SPG11: variants seen among roughly 807,000 people sequenced by gnomAD.
SPG11 encodes spatacsin.
Under a neutral mutation model 274.0 loss-of-function variants are expected in SPG11, and 222 were observed. The observed-to-expected ratio is 0.81, with a 90% CI of 0.73 to 0.91. SPG11 has a LOEUF of 0.91. Ranked by LOEUF, SPG11 falls within the 40% of genes least tolerant of loss-of-function variation. SPG11 has a pLI of 0.00. For missense variants in SPG11, 3,114 were observed against 2,872.7 expected (o/e 1.08, Z -1.92); for synonymous variants, 1,144 against 1,039.7 (o/e 1.10, Z -1.93).
chr15:44,597,848 AAAGT>A (rs1324274976), intron 23 of SPG11, among the ~76,000 whole-genome samples: 1 of 152,250 alleles, frequency 6.6e-6, no homozygotes, highest in East Asian at 1.9e-4. Context: ...TAAAATGAAA[AAAGT>A]AAGGACATGA....
chr15:44,581,067 A>T (rs1425316648), intron 30 of SPG11, among the ~76,000 whole-genome samples: 1 of 152,198 alleles, frequency 6.6e-6, no homozygotes, highest in Non-Finnish European at 1.5e-5. Context: ...ACAGAAAAAA[A>T]AACATCGAGA....
chr15:44,575,954 C>A (rs1259397903), intron 30 of SPG11, among the ~76,000 whole-genome samples: 1 of 151,536 alleles, frequency 6.6e-6, no homozygotes, highest in Non-Finnish European at 1.5e-5. Flanking sequence ...ACCAGCCTGA[C>A]CAACATGGAG....
At chr15:44,622,705 T>C (rs761701399) in intron 12 of SPG11, 23 bp downstream of exon 12, 9 of 1,565,024 alleles carry the variant, frequency 5.8e-6, no homozygotes, top group Middle Eastern at 1.7e-4. Context: ...AAATGTATAC[T>C]ATGTAGTCTC....
intron 30 of SPG11, among the ~76,000 whole-genome samples, chr15:44,578,882 G>A (rs963147421): frequency 1.6e-4 from 24 of 152,152 alleles, no homozygotes; most frequent in African/African-American, 5.8e-4. Context: ...GCAGCCAGTT[G>A]TGGCGGCTCA....
chr15:44,634,130 C>T (rs543529940), intron 7 of SPG11, among the ~76,000 whole-genome samples: 3 of 152,196 alleles, frequency 2.0e-5, no homozygotes, highest in East Asian at 1.9e-4. Context: ...CAAGCCACTG[C>T]GCCTGGCCCA....
chr15:44,592,059 G>A (rs898138039), intron 27 of SPG11, among the ~76,000 whole-genome samples: 37 of 150,832 alleles, frequency 2.5e-4, no homozygotes, highest in Admixed American at 1.9e-3. Flanking sequence ...TACAGTGAGC[G>A]GAGATCATGC....
In SPG11 at chr15:44,572,750, G is replaced by A; in HGVS notation, c.6276C>T (p.Asp2092=). The A allele has an allele frequency of 6.2e-7, 1 of 1,614,074 alleles. No individual in the cohort carries two copies. The highest frequency in any genetic ancestry group is 8.5e-7 in the Non-Finnish European group (1 of 1,179,956). The change falls in exon 33 of 40, where the codon GAC becomes GAT. Residue 2092 remains aspartate, a synonymous_variant. Coordinates refer to ENST00000261866, the MANE Select transcript of SPG11 (RefSeq NM_025137.4). ...TFLQLTTLCQ[D]RTLVGMKLLD... ...ACAACTTCATGCCTACCAATGTGCGGTCTTGACACAGAGTGGTCAGCTGAA... is the reference window on the plus strand; with the variant it reads ...ACAACTTCATGCCTACCAATGTGCGATCTTGACACAGAGTGGTCAGCTGAA...
In SPG11 at chr15:44,663,624, C is replaced by T. The variant is rs976109814; in HGVS notation, c.24G>A (p.Ala8=). The change falls in exon 1 of 40, where the codon GCG becomes GCA. Residue 8 remains alanine, a synonymous_variant. Transcript: ENST00000261866. ...AGCTACCGCCGGCGGAAGCAGCACT[C>T]GCGACCCCTTCCTCTGCAGCCATCT... is the stretch of plus-strand genomic sequence containing the variant. The part of the protein sequence containing the change: MAAEEGV[A]SAASAGGSWG... 6.3e-7 allele frequency: 1 copy of T among 1,595,952 alleles called. No homozygotes were observed. The highest frequency in any genetic ancestry group is 8.5e-7 in the Non-Finnish European group (1 of 1,176,238).
At chr15:44,600,315 C>G in intron 21 of SPG11, 152 bp downstream of exon 21, 1 of 764,912 alleles carries the variant, frequency 1.3e-6, no homozygotes, top group South Asian at 1.5e-5. Flanking sequence ...GTGGCAGAGC[C>G]TCACTGTCAC....
intron 26 of SPG11, among the ~76,000 whole-genome samples, chr15:44,592,762 A>G (rs550558930): frequency 7.3e-4 from 111 of 152,164 alleles, no homozygotes; most frequent in African/African-American, 2.6e-3. Flanking sequence ...GGAGGTTGCA[A>G]TGAGCCAAGA....
chr15:44,637,515 T>C (rs1485602219), intron 7 of SPG11, among the ~76,000 whole-genome samples: 2 of 152,124 alleles, frequency 1.3e-5, no homozygotes, highest in African/African-American at 4.8e-5. Context: ...GGGTTTGGCA[T>C]GTTAGCCAGG....
In SPG11 at chr15:44,592,357, G is replaced by T; in HGVS notation, c.4717C>A (p.Leu1573Met). The change falls in exon 27 of 40, where the codon CTG becomes ATG. Residue 1573 changes from leucine (L) to methionine (M), a missense_variant. By Grantham distance (15) the Leu-to-Met change is conservative. Coordinates refer to ENST00000261866, the MANE Select transcript of SPG11 (RefSeq NM_025137.4). Reference protein sequence around the residue: ...RNYKEAEAKLLEFQKSLETLN... With the variant: ...RNYKEAEAKLMEFQKSLETLN... ...GTTTCAAGGCTCTTCTGAAACTCCAGAAGTTTAGCTTCAGCTTCTTTATAA... is the reference window on the plus strand; with the variant it reads ...GTTTCAAGGCTCTTCTGAAACTCCATAAGTTTAGCTTCAGCTTCTTTATAA... 1.2e-6 allele frequency: 2 copies of T among 1,610,106 alleles called. No individual in the cohort carries two copies. Among genetic ancestry groups the T allele is most frequent in the South Asian group, 1.1e-5 (1 of 90,998 alleles).
intron 19 of SPG11, 106 bp from the exon 20 acceptor site, chr15:44,606,197 A>C (rs2083314328): frequency 1.1e-5 from 9 of 837,208 alleles, no homozygotes; most frequent in Non-Finnish European, 1.6e-5. Context: ...CCCTTTTCCA[A>C]GGCAATTTAA....
Position 44,628,664 on chromosome 15 carries a change from C to T in SPG11, c.2067+5G>A, listed in dbSNP as rs2141043201. 6.2e-7 allele frequency: 1 copy of T among 1,612,456 alleles called. No individual in the cohort carries two copies. The highest frequency in any genetic ancestry group is 8.5e-7 in the Non-Finnish European group (1 of 1,179,098). On this transcript the variant is annotated splice_donor_5th_base_variant and intron_variant, in intron 10 of 39. Coordinates refer to ENST00000261866, the MANE Select transcript of SPG11 (RefSeq NM_025137.4). The stretch of plus-strand genomic sequence containing the variant: ...ATAAAAGAAGTGATGATTATTCGTA[C>T]TTACCTCAAAGCTGAGTTTCTTCCA...
rs765477482 is a variant in SPG11, at chr15:44,657,182, G to T, written c.782C>A (p.Ser261Ter). The T allele has an allele frequency of 3.1e-6, 5 of 1,614,078 alleles. No individual in the cohort carries two copies. In the South Asian group the frequency reaches 5.5e-5, roughly 18 times the overall value. Residue 261 changes from serine (S) to a stop codon, truncating the protein, a stop_gained, in exon 4 of 40, where the codon TCA (serine) becomes TAA (stop). Coordinates refer to ENST00000261866, the MANE Select transcript of SPG11 (RefSeq NM_025137.4). LOFTEE classifies it high-confidence loss of function. ...QEPAKISSFT[S>*]LKVSQDLDVA... The stretch of plus-strand genomic sequence containing the variant: ...ATCGAGGTCTTGAGAAACTTTCAGT[G>T]AAGTAAATGAAGAAATCTTGGCTGG...
chr15:44,641,922 G>GAAAAAAAAAAAAAA (rs71111874), intron 7 of SPG11, among the ~76,000 whole-genome samples: 2 of 55,882 alleles, frequency 3.6e-5, no homozygotes, highest in Non-Finnish European at 7.6e-5. Flanking sequence ...CTGCTTAACA[G>GAAAAAAAAAAAAAA]AAAAAAAAAA....
intron 1 of SPG11, among the ~76,000 whole-genome samples, chr15:44,662,145 T>A (rs144955966): frequency 6.6e-6 from 1 of 152,192 alleles, no homozygotes; most frequent in African/African-American, 2.4e-5. Flanking sequence ...AGTTTATAAA[T>A]AACTTAGTTT....
At chr15:44,661,429 A>G (rs1185699991) in intron 1 of SPG11, among the ~76,000 whole-genome samples, 1 of 152,176 alleles carries the variant, frequency 6.6e-6, no homozygotes, top group East Asian at 1.9e-4. Flanking sequence ...TCTTTTAAGA[A>G]ACTTGCTTCT....
intron 39 of SPG11, among the ~76,000 whole-genome samples, chr15:44,564,094 G>GTGAT (rs2082258221): frequency 6.6e-6 from 1 of 152,098 alleles, no homozygotes; most frequent in Non-Finnish European, 1.5e-5. Flanking sequence ...CCAGGTTCAA[G>GTGAT]TGATTCTCCT....
Sources: gnomAD v4.1 joint callset for allele counts (sites outside exome capture counted in the v4.1 genomes callset) on GRCh38, gnomAD v4.1.1 for gene constraint, MANE v1.5 for transcripts, NCBI Gene and HGNC (gene_info 2026-07-23, HGNC 2026-07-21) for gene names.